PIK3AP1: variants seen among roughly 807,000 people sequenced by gnomAD.
PIK3AP1 encodes the protein phosphoinositide 3-kinase adapter protein 1.
Under a neutral mutation model 88.1 loss-of-function variants are expected in PIK3AP1, and 21 were observed. The ratio of observed to expected loss-of-function variants is 0.24; its 90% CI spans 0.17 to 0.34. The LOEUF is 0.34. PIK3AP1 is among the 10% of genes least tolerant of loss of function. The probability of loss-of-function intolerance (pLI) is 1.00; values close to 1 mark genes in which losing one functional copy is unlikely to be tolerated. For synonymous variants in PIK3AP1, 398 were observed against 400.0 expected (o/e 1.00, Z 0.06); for missense variants, 828 against 1,035.7 (o/e 0.80, Z 2.75).
At chr10:96,692,515 A>G (rs1009319310) in intron 2 of PIK3AP1, among the ~76,000 whole-genome samples, 1 of 151,946 alleles carries the variant, frequency 6.6e-6, no homozygotes, top group African/African-American at 2.4e-5. Context: ...TGGAGATTGC[A>G]GTGAGCCGAG....
At chr10:96,618,380 T>G (rs61738577) in intron 12 of PIK3AP1, among the ~76,000 whole-genome samples, 2,613 of 152,298 alleles carry the variant, frequency 0.017, 72 homozygotes, top group African/African-American at 0.06. Context: ...TACAGGATGA[T>G]GGTAATGATA....
chr10:96,663,757 T>TA (rs1843726424), intron 2 of PIK3AP1, among the ~76,000 whole-genome samples: 1 of 148,744 alleles, frequency 6.7e-6, no homozygotes, highest in African/African-American at 2.5e-5. Context: ...TCTTTTAAAA[T>TA]ACCCCAAGAC....
chr10:96,700,732 G>T, intron 2 of PIK3AP1: 1 of 835,762 alleles, frequency 1.2e-6, no homozygotes, highest in Non-Finnish European at 1.4e-6. Flanking sequence ...GCTTTCAAGA[G>T]ATCCAAGCCT....
intron 1 of PIK3AP1, among the ~76,000 whole-genome samples, chr10:96,714,896 G>C (rs2134296250): frequency 6.6e-6 from 1 of 152,242 alleles, no homozygotes; most frequent in Middle Eastern, 3.4e-3. Flanking sequence ...AATCTCCCAT[G>C]CATAACAATT....
chr10:96,696,036 C>T (rs1844214950), intron 2 of PIK3AP1, among the ~76,000 whole-genome samples: 1 of 152,158 alleles, frequency 6.6e-6, no homozygotes, highest in Non-Finnish European at 1.5e-5. Context: ...GGGCATCAAG[C>T]CTCTACATAA....
intron 4 of PIK3AP1, 77 bp downstream of exon 4, chr10:96,652,617 CCTGG>C: frequency 6.7e-7 from 1 of 1,482,278 alleles, no homozygotes. Context: ...GATGATAATA[CCTGG>C]CATTGGTGGC....
At chr10:96,663,805 T>C (rs931099571) in intron 2 of PIK3AP1, among the ~76,000 whole-genome samples, 3 of 152,058 alleles carry the variant, frequency 2.0e-5, no homozygotes, top group African/African-American at 7.2e-5. Context: ...GAATACAAAT[T>C]ACCTCCCCAT....
chr10:96,707,709 C>A (rs771112906), intron 2 of PIK3AP1, among the ~76,000 whole-genome samples: 1 of 152,094 alleles, frequency 6.6e-6, no homozygotes, highest in South Asian at 2.1e-4. Flanking sequence ...CCTAATGGAC[C>A]GATGCAATGA....
rs1848947721 is a variant in PIK3AP1 at position 96,603,699 on chromosome 10, CA to C, written c.2241+279del. 22 of 242,686 alleles carry C rather than the reference CA, an allele frequency of 9.1e-5. 2 individuals carry two copies. Among genetic ancestry groups the C allele is most frequent in the African/African-American group, 2.8e-4 (12 of 43,220 alleles). The allele number at this position is 242,686 out of a possible 1,614,324, so 15.0% of individuals were successfully genotyped here. ...ACACACACACACACACACACACACA[CA>C]CACACACACACCACATATATATATA... On this transcript the variant is annotated intron_variant, in intron 15 of 16. Coordinates refer to ENST00000339364, the MANE Select transcript of PIK3AP1 (RefSeq NM_152309.3).
chr10:96,717,422 G>A (rs1466672771), intron 1 of PIK3AP1, among the ~76,000 whole-genome samples: 2 of 152,146 alleles, frequency 1.3e-5, no homozygotes, highest in Non-Finnish European at 2.9e-5. Context: ...CATATTTGAA[G>A]AGGGATGAGA....
In PIK3AP1 at chr10:96,633,099, C is replaced by T. The variant is rs377445447; in HGVS notation, c.1376-4606G>A. The T allele has an allele frequency of 1.4e-4, 217 of 1,537,044 alleles. No homozygotes were observed. The African/African-American group carries it at 2.2e-3, about 15-fold the overall frequency. On this transcript the variant is annotated intron_variant, in intron 8 of 16. Coordinates refer to ENST00000339364, the MANE Select transcript of PIK3AP1 (RefSeq NM_152309.3). ...ATTTCTCTCATAGCAACTCCAGAGGCGGAGCTTCCAGGGTCACCATGAGAG... is the reference window on the plus strand; with the variant it reads ...ATTTCTCTCATAGCAACTCCAGAGGTGGAGCTTCCAGGGTCACCATGAGAG...
chr10:96,684,292 G>A (rs1474014604), intron 2 of PIK3AP1, among the ~76,000 whole-genome samples: 2 of 152,228 alleles, frequency 1.3e-5, no homozygotes, highest in Non-Finnish European at 2.9e-5. Context: ...GCCCAGAAGT[G>A]AGAAGTCTTG....
At chr10:96,610,183 A>G (rs1271169659) in intron 13 of PIK3AP1, among the ~76,000 whole-genome samples, 2 of 152,224 alleles carry the variant, frequency 1.3e-5, no homozygotes, top group African/African-American at 4.8e-5. Flanking sequence ...TTGGGCTCTC[A>G]GCCCTGCCAC....
At chr10:96,679,768 T>C (rs1251009654) in intron 2 of PIK3AP1, among the ~76,000 whole-genome samples, 2 of 152,168 alleles carry the variant, frequency 1.3e-5, no homozygotes, top group African/African-American at 4.8e-5. Flanking sequence ...TTCTACCATC[T>C]TCAGCACAAA....
At chr10:96,628,255 G>T in intron 9 of PIK3AP1, 143 bp downstream of exon 9, 1 of 751,012 alleles carries the variant, frequency 1.3e-6, no homozygotes, top group East Asian at 2.5e-5. Flanking sequence ...GTCGGGGGAG[G>T]CAGAGTGCCT....
Position 96,709,774 on chromosome 10 carries a change from G to C in PIK3AP1, c.223C>G (p.Leu75Val). Residue 75 changes from leucine (L) to valine (V), a missense_variant, in exon 2 of 17, where the codon CTG (leucine) becomes GTG (valine). Physicochemically the swap from Leu to Val is conservative, Grantham distance 32. Coordinates refer to ENST00000339364, the MANE Select transcript of PIK3AP1 (RefSeq NM_152309.3). Reference sequence around the variant, plus strand: ...GCGGGCTTGTGGAAGTGCTGCACCAGCTCCGCGGACAGCAGCACCACGACA... The same window carrying C: ...GCGGGCTTGTGGAAGTGCTGCACCACCTCCGCGGACAGCAGCACCACGACA... Reference protein sequence around the residue: ...RCVVVLLSAELVQHFHKPALL... With the variant: ...RCVVVLLSAEVVQHFHKPALL... 1 of 1,613,700 alleles carries C rather than the reference G, an allele frequency of 6.2e-7. No individual in the cohort carries two copies. Among genetic ancestry groups the C allele is most frequent in the Non-Finnish European group, 8.5e-7 (1 of 1,179,720 alleles).
intron 11 of PIK3AP1, among the ~76,000 whole-genome samples, chr10:96,621,880 C>G (rs1843089006): frequency 6.6e-6 from 1 of 152,232 alleles, no homozygotes; most frequent in Non-Finnish European, 1.5e-5. Context: ...CCATTAAATG[C>G]TAGCAGCACC....
intron 8 of PIK3AP1, among the ~76,000 whole-genome samples, chr10:96,639,441 G>A (rs1843356129): frequency 6.6e-6 from 1 of 152,206 alleles, no homozygotes; most frequent in Non-Finnish European, 1.5e-5. Flanking sequence ...TGTGTGCAGT[G>A]TCCCAAGGTA....
intron 8 of PIK3AP1, among the ~76,000 whole-genome samples, chr10:96,643,057 C>T (rs932667399): frequency 5.9e-5 from 9 of 152,152 alleles, no homozygotes; most frequent in African/African-American, 2.2e-4. Context: ...CCCACTTCCC[C>T]GCCTGTATCT....
Sources: allele counts gnomAD v4.1 joint callset (sites outside exome capture counted in the v4.1 genomes callset), GRCh38; gene constraint gnomAD v4.1.1; transcripts MANE v1.5; gene names NCBI Gene and HGNC (gene_info 2026-07-23, HGNC 2026-07-21).